KDM1A: variants seen among roughly 807,000 people sequenced by gnomAD.
The protein encoded by KDM1A is lysine-specific histone demethylase 1A.
A neutral mutation model predicts 109.4 loss-of-function variants in KDM1A; 49 were observed. The ratio of observed to expected loss-of-function variants is 0.45; its 90% confidence interval spans 0.36 to 0.57. KDM1A has a LOEUF of 0.57. Ranked by LOEUF, KDM1A falls within the 20% of genes least tolerant of loss-of-function variation. KDM1A has a pLI of 0.00. For missense variants in KDM1A, 668 were observed against 1,116.6 expected, an observed-to-expected ratio of 0.60 and a Z score of 5.73; for synonymous variants, 380 against 415.4, an observed-to-expected ratio of 0.91 and a Z score of 1.04.
At chr1:23,048,433 A>AT (rs1181480511) in intron 3 of KDM1A, among the ~76,000 whole-genome samples, 2 of 150,906 alleles carry the variant, frequency 1.3e-5, no homozygotes, top group South Asian at 4.2e-4. Flanking sequence ...TTTATTTTTT[A>AT]TTTTTTTTAC....
At chr1:23,082,005 G>C (rs1301906379) in intron 19 of KDM1A, 1 of 370,732 alleles carries the variant, frequency 2.7e-6, no homozygotes, top group African/African-American at 2.7e-5. Context: ...TGGATTCATA[G>C]ACAGGAAGGC....
chr1:23,027,391 G>C (rs1404623122), intron 1 of KDM1A, among the ~76,000 whole-genome samples: 4 of 149,412 alleles, frequency 2.7e-5, no homozygotes, highest in African/African-American at 9.8e-5. Flanking sequence ...TTGTGCAAAA[G>C]GTAGAAGGTT....
chr1:23,081,279 T>G (rs1569830917), intron 18 of KDM1A, 167 bp from the exon 19 acceptor site: 6 of 736,710 alleles, frequency 8.1e-6, no homozygotes, highest in Middle Eastern at 3.2e-4. Flanking sequence ...CGACAAAGAG[T>G]TCTGTATGCT....
At position 23,082,386 on chromosome 1, in the gene KDM1A, T is replaced by G; in HGVS notation, c.2445+20T>G. ...CCACAGGTGAGAAGCTGGCAAACTA[T>G]CTGGGCTTATTTGGGAAGAGGCCAG... On this transcript the variant is annotated intron_variant, in intron 20 of 20. Coordinates refer to ENST00000400181, the MANE Select transcript of KDM1A (RefSeq NM_001009999.3). 1 of 1,600,894 alleles carries G rather than the reference T, an allele frequency of 6.2e-7. No individual in the cohort carries two copies. Among genetic ancestry groups the G allele is most frequent in the Non-Finnish European group, 8.5e-7 (1 of 1,172,792 alleles).
intron 9 of KDM1A, 111 bp from the exon 10 acceptor site, chr1:23,065,949 T>C: frequency 4.7e-6 from 7 of 1,474,344 alleles, no homozygotes; most frequent in Admixed American, 2.5e-5. Context: ...GCTTCTGTCA[T>C]GCTATGTGTT....
chr1:23,049,152 C>CAAAAA (rs5773034), intron 3 of KDM1A, among the ~76,000 whole-genome samples: 13 of 75,206 alleles, frequency 1.7e-4, no homozygotes, highest in African/African-American at 6.3e-4. Context: ...GACTCCCTCT[C>CAAAAA]AAAAAAAAAA....
rs754891701 is a variant in KDM1A at position 23,055,036 on chromosome 1, T to C, written c.791-33T>C. ...AGAATATTGTTTAAACTGCTGAAAA[T>C]AAAACCGTGTTTTTAATCCACTTAT... is the stretch of plus-strand genomic sequence containing the variant. On this transcript the variant is annotated intron_variant, in intron 5 of 20. Coordinates refer to ENST00000400181, the MANE Select transcript of KDM1A (RefSeq NM_001009999.3). 4.4e-6 allele frequency: 6 copies of C among 1,370,846 alleles called. No homozygotes were observed. In the East Asian group the frequency reaches 1.2e-4, roughly 27 times the overall value. 84.9% of individuals were successfully genotyped at this position (1,370,846 alleles called of 1,614,324 possible). A position where few individuals can be genotyped will look rare whatever the true frequency, so the allele number is the denominator to read the frequency against.
At chr1:23,059,575 A>G (rs1439589934) in intron 9 of KDM1A, among the ~76,000 whole-genome samples, 1 of 152,154 alleles carries the variant, frequency 6.6e-6, no homozygotes, top group East Asian at 1.9e-4. Context: ...TCATAGGCTA[A>G]CATTTTTGAT....
At position 23,083,507 on chromosome 1, in the gene KDM1A, A is replaced by G. The variant is rs1490067902; in HGVS notation, c.*143A>G. ...AGCTGATGGAGCTCCTGATTTGACA[A>G]AGGAGCTTGCCTCCTTTGAATGACC... On this transcript the variant is annotated 3_prime_UTR_variant, in exon 21 of 21. Coordinates refer to ENST00000400181, the MANE Select transcript of KDM1A (RefSeq NM_001009999.3). The G allele has an allele frequency of 6.6e-6, 5 of 751,920 alleles. No individual in the cohort carries two copies. Among genetic ancestry groups the G allele is most frequent in the African/African-American group, 3.5e-5 (2 of 56,910 alleles). The allele number at this position is 751,920 out of a possible 1,614,324, so 46.6% of individuals were successfully genotyped here.
At chr1:23,075,519 G>A (rs935018599) in intron 15 of KDM1A, among the ~76,000 whole-genome samples, 10 of 149,856 alleles carry the variant, frequency 6.7e-5, no homozygotes, top group South Asian at 4.2e-4. Flanking sequence ...TGCAGTGAGC[G>A]GAGATCGCGC....
At chr1:23,025,423 C>T (rs1034955119) in intron 1 of KDM1A, among the ~76,000 whole-genome samples, 11 of 151,762 alleles carry the variant, frequency 7.2e-5, no homozygotes, top group East Asian at 5.9e-4. Flanking sequence ...CTCCACCTCC[C>T]GGGTTCAAGC....
chr1:23,062,876 AAC>A (rs1471177449), intron 9 of KDM1A, among the ~76,000 whole-genome samples: 1 of 152,212 alleles, frequency 6.6e-6, no homozygotes, highest in Non-Finnish European at 1.5e-5. Flanking sequence ...AAGCCTATAA[AAC>A]AGTCAGAGCT....
intron 19 of KDM1A, 45 bp downstream of exon 19, chr1:23,081,618 A>G (rs775067376): frequency 2.5e-6 from 4 of 1,608,538 alleles, no homozygotes; most frequent in Non-Finnish European, 3.4e-6. Flanking sequence ...GTTCAGACTC[A>G]ACCAGGGTTT....
intron 8 of KDM1A, among the ~76,000 whole-genome samples, chr1:23,058,369 A>G (rs1642900697): frequency 1.3e-5 from 2 of 152,178 alleles, no homozygotes; most frequent in Admixed American, 6.5e-5. Context: ...ATGAGCCACC[A>G]TGTATGGCTT....
At chr1:23,081,924 A>G in intron 19 of KDM1A, 1 of 431,092 alleles carries the variant, frequency 2.3e-6, no homozygotes, top group South Asian at 4.0e-5. Context: ...TTAACCCTTT[A>G]GGATTCCTTT....
In KDM1A at chr1:23,059,175, G is replaced by GAGGACAA; in HGVS notation, c.1167+10_1167+16dup. ...GAAGCCAACGGACAAGCTGTAAGTC[G>GAGGACAA]AGGACAAACAGAACTTTCAACATTT... On this transcript the variant is annotated intron_variant, in intron 9 of 20. Transcript: ENST00000400181. 1 of 1,604,908 alleles carries GAGGACAA rather than the reference G, an allele frequency of 6.2e-7. No individual in the cohort carries two copies. The highest frequency in any genetic ancestry group is 8.5e-7 in the Non-Finnish European group (1 of 1,174,180).
chr1:23,038,364 G>GT (rs567611337), intron 2 of KDM1A, among the ~76,000 whole-genome samples: 4 of 150,770 alleles, frequency 2.7e-5, no homozygotes, highest in South Asian at 2.1e-4. Flanking sequence ...TTCTAACATA[G>GT]TTTTTTTTTC....
intron 2 of KDM1A, among the ~76,000 whole-genome samples, chr1:23,037,277 C>T (rs973163507): frequency 6.8e-6 from 1 of 146,032 alleles, no homozygotes; most frequent in Non-Finnish European, 1.5e-5. Flanking sequence ...GCACTCCAGC[C>T]TGGGTGATAG....
intron 15 of KDM1A, among the ~76,000 whole-genome samples, chr1:23,074,262 A>T (rs1370200665): frequency 6.6e-6 from 1 of 152,314 alleles, no homozygotes; most frequent in East Asian, 1.9e-4. Context: ...GTCTGCTCAG[A>T]TCTTTTGCCT....
Sources: allele counts gnomAD v4.1 joint callset (sites outside exome capture counted in the v4.1 genomes callset), GRCh38; gene constraint gnomAD v4.1.1; transcripts MANE v1.5; gene names NCBI Gene and HGNC (gene_info 2026-07-23, HGNC 2026-07-21).